Variants in VPS37B observed in about 807,000 individuals in gnomAD.
The protein encoded by VPS37B is vacuolar protein sorting-associated protein 37B.
VPS37B carries 11 observed loss-of-function variants against 21.2 expected under a neutral mutation model. The ratio of observed to expected loss-of-function variants is 0.52; its 90% CI spans 0.33 to 0.86. The LOEUF is 0.86. Ranked by LOEUF, VPS37B falls within the 40% of genes least tolerant of loss-of-function variation. The probability of loss-of-function intolerance (pLI) is 0.03; values close to 1 mark genes in which losing one functional copy is unlikely to be tolerated. For synonymous variants in VPS37B, 175 were observed against 159.6 expected, an observed-to-expected ratio of 1.10 and a Z score of -0.73; for missense variants, 389 against 374.8, an observed-to-expected ratio of 1.04 and a Z score of -0.31.
At chr12:122,891,599 C>T (rs770381601) in intron 1 of VPS37B, among the ~76,000 whole-genome samples, 36 of 152,164 alleles carry the variant, frequency 2.4e-4, no homozygotes, top group Non-Finnish European at 4.6e-4. Context: ...AAAGTTGAAG[C>T]CTTTACACGT....
At chr12:122,876,782 G>T (rs574543665) in intron 1 of VPS37B, 1 of 152,210 alleles carries the variant, frequency 6.6e-6, no homozygotes, top group East Asian at 1.9e-4. Flanking sequence ...TTTGGGTTGG[G>T]GGAGTGTGGT....
At chr12:122,870,272 C>T (rs568835565) in intron 2 of VPS37B, 2 of 152,314 alleles carry the variant, frequency 1.3e-5, no homozygotes, top group South Asian at 2.1e-4. Flanking sequence ...GAGGTACCCA[C>T]GTTTCTGCAA....
Position 122,868,955 on chromosome 12 carries a change from C to T in VPS37B, c.284-393G>A, listed in dbSNP as rs1212799566. 7.2e-5 allele frequency among the ~76,000 whole-genome samples: 11 copies of T among 152,314 alleles called. No individual in the cohort carries two copies. Among genetic ancestry groups the T allele is most frequent in the African/African-American group, 1.9e-4 (8 of 41,566 alleles). On this transcript the variant is annotated intron_variant, in intron 2 of 3. Coordinates refer to ENST00000267202, the MANE Select transcript of VPS37B (RefSeq NM_024667.3). The surrounding 1 kb of genome is among the most constrained non-coding windows in gnomAD (Gnocchi z 5.5). ...AGAACCTTTCCACCGGGCGCCCTCA[C>T]GCCCACTGCACCCGCCAGATAACCC...
At position 122,867,314 on chromosome 12, in the gene VPS37B, G is replaced by C. The variant is rs139843258; in HGVS notation, c.660C>G (p.Ala220=). The change falls in exon 4 of 4, where the codon GCC becomes GCG. Residue 220 remains alanine (A), a synonymous_variant. Transcript: ENST00000267202. This position sits in a 1 kb window ranked among gnomAD's most constrained non-coding sequence, Gnocchi z 5.5. Reference sequence around the variant, plus strand: ...AACTCATGGCCGCAGTAAACGGGGTGGCTAAGCGTCCCGCAGGCACCGGGG... The same window carrying C: ...AACTCATGGCCGCAGTAAACGGGGTCGCTAAGCGTCCCGCAGGCACCGGGG... The part of the protein sequence containing the change: ...PPPPVPAGRL[A]TPFTAAMSSG... 911 of 1,584,034 alleles carry C rather than the reference G, an allele frequency of 5.8e-4. 5 individuals are homozygous for C. In the African/African-American group the frequency reaches 0.011, roughly 20 times the overall value.
chr12:122,867,470 T>A lies in VPS37B; in HGVS notation c.504A>T (p.Arg168Ser), dbSNP rs144828137. The change falls in exon 4 of 4, where the codon AGA (arginine) becomes AGT (serine). Residue 168 changes from arginine (R) to serine (S), a missense_variant. Arg to Ser is a moderately radical substitution (Grantham distance 110). Transcript: ENST00000267202. The surrounding 1 kb of genome is among the most constrained non-coding windows in gnomAD (Gnocchi z 5.5). Reference protein sequence around the residue: ...KLQEMVLKGQRLPQALAPLPP... With the variant: ...KLQEMVLKGQSLPQALAPLPP... ...GCAGCGGGGCCAGGGCCTGTGGGAG[T>A]CTCTGCCCCTTTAGGACCATCTCCT... 1.2e-6 allele frequency: 2 copies of A among 1,613,450 alleles called. No individual in the cohort carries two copies. The highest frequency in any genetic ancestry group is 2.7e-5 in the African/African-American group (2 of 74,766).
At position 122,867,272 on chromosome 12, in the gene VPS37B, C is replaced by T. The variant is rs568670236; in HGVS notation, c.702G>A (p.Pro234=). 1.0e-5 allele frequency: 16 copies of T among 1,557,900 alleles called. No homozygotes were observed. Among genetic ancestry groups the T allele is most frequent in the Non-Finnish European group, 1.3e-5 (15 of 1,156,424 alleles). Residue 234 remains proline (P), a synonymous_variant, in exon 4 of 4, where the codon CCG becomes CCA. Transcript: ENST00000267202. This position sits in a 1 kb window ranked among gnomAD's most constrained non-coding sequence, Gnocchi z 5.5. ...GGGGCGGGCACTGTAATCCTGGGTA[C>T]GGCACGGCCTGTCCCGAACTCATGG... The part of the protein sequence containing the change: ...TAAMSSGQAV[P]YPGLQCPPLP...
chr12:122,892,487 ACTTC>A (rs2034428533), intron 1 of VPS37B, among the ~76,000 whole-genome samples: 1 of 149,818 alleles, frequency 6.7e-6, no homozygotes, highest in Non-Finnish European at 1.5e-5. Flanking sequence ...AATTTAAAAC[ACTTC>A]CTTCTGCCAA....
At chr12:122,891,865 A>T (rs1022328347) in intron 1 of VPS37B, among the ~76,000 whole-genome samples, 1 of 152,250 alleles carries the variant, frequency 6.6e-6, no homozygotes, top group Non-Finnish European at 1.5e-5. Context: ...TACTTTCCAC[A>T]AAACAACCTG....
chr12:122,876,496 G>C (rs1228420290), intron 1 of VPS37B: 1 of 152,106 alleles, frequency 6.6e-6, no homozygotes, highest in Non-Finnish European at 1.5e-5. Flanking sequence ...GATCACTTGA[G>C]GTCAGGAGTT....
At position 122,865,590 on chromosome 12, in the gene VPS37B, C is replaced by A. The variant is rs2033881750; in HGVS notation, c.*1526G>T. On this transcript the variant is annotated 3_prime_UTR_variant, in exon 4 of 4. Coordinates refer to ENST00000267202, the MANE Select transcript of VPS37B (RefSeq NM_024667.3). Reference sequence around the variant, plus strand: ...CCTGACTGGCATGGCAGTGAATCGTCCTGTACAGCTTCATTTCCTTTAAGA... The same window carrying A: ...CCTGACTGGCATGGCAGTGAATCGTACTGTACAGCTTCATTTCCTTTAAGA... 1 of 116,810 alleles carries A rather than the reference C, an allele frequency of 8.6e-6. No homozygotes were observed. The highest frequency in any genetic ancestry group is 2.9e-5 in the African/African-American group (1 of 34,498). 7.2% of individuals were successfully genotyped at this position (116,810 alleles called of 1,614,324 possible). A position where few individuals can be genotyped will look rare whatever the true frequency, so the allele number is the denominator to read the frequency against.
intron 1 of VPS37B, among the ~76,000 whole-genome samples, chr12:122,893,213 GTGAT>G (rs1397371721): frequency 6.6e-6 from 1 of 152,192 alleles, no homozygotes; most frequent in Non-Finnish European, 1.5e-5. Context: ...ATTAATATAA[GTGAT>G]TAATTATTGC....
intron 1 of VPS37B, chr12:122,871,786 C>T (rs1210487832): frequency 5.2e-6 from 5 of 963,448 alleles, no homozygotes; most frequent in Middle Eastern, 5.3e-4. Flanking sequence ...TAGGGGAGAA[C>T]GACAGGAGTA....
At chr12:122,872,535 G>A in intron 1 of VPS37B, 1 of 985,394 alleles carries the variant, frequency 1.0e-6, no homozygotes, top group Non-Finnish European at 1.2e-6. Flanking sequence ...TCTTGGGACT[G>A]GAAAGACGCA....
chr12:122,885,840 C>T (rs976808004), intron 1 of VPS37B: 5 of 150,410 alleles, frequency 3.3e-5, no homozygotes, highest in Non-Finnish European at 5.9e-5. Flanking sequence ...CCCGCTACCA[C>T]GCCCGGCTAA....
intron 1 of VPS37B, chr12:122,882,953 G>A (rs184059836): frequency 9.2e-5 from 14 of 152,306 alleles, no homozygotes; most frequent in African/African-American, 2.4e-4. Flanking sequence ...TAACAGTTGC[G>A]GAGTTGGACT....
intron 1 of VPS37B, among the ~76,000 whole-genome samples, chr12:122,892,842 C>T (rs1475224356): frequency 6.6e-6 from 1 of 152,204 alleles, no homozygotes; most frequent in Non-Finnish European, 1.5e-5. Context: ...AGGCAGATCA[C>T]CTGAGGTTAG....
At chr12:122,888,729 C>T (rs971313941) in intron 1 of VPS37B, 4 of 367,468 alleles carry the variant, frequency 1.1e-5, no homozygotes, top group African/African-American at 8.3e-5. Context: ...TCTCGTTTCT[C>T]CCCTCCCTTC....
chr12:122,867,331 G>C lies in VPS37B; in HGVS notation c.643C>G (p.Pro215Ala), dbSNP rs2135692866. The part of the protein sequence containing the change: ...RRIPPPPPPV[P>A]AGRLATPFTA... ...AACGGGGTGGCTAAGCGTCCCGCAG[G>C]CACCGGGGGTGGTGGGGGGGGGATG... The change falls in exon 4 of 4, where the codon CCT becomes GCT. Residue 215 changes from proline to alanine, a missense_variant. Pro to Ala is a conservative substitution (Grantham distance 27). Coordinates refer to ENST00000267202, the MANE Select transcript of VPS37B (RefSeq NM_024667.3). The surrounding 1 kb of genome is among the most constrained non-coding windows in gnomAD (Gnocchi z 5.5). 3 of 597,446 alleles carry C rather than the reference G, an allele frequency of 5.0e-6. No homozygotes were observed. The highest frequency in any genetic ancestry group is 8.2e-4 in the Middle Eastern group (2 of 2,426). The allele number at this position is 597,446 out of a possible 1,614,324, so 37.0% of individuals were successfully genotyped here.
intron 1 of VPS37B, chr12:122,888,863 AG>A: frequency 3.4e-6 from 1 of 297,650 alleles, no homozygotes; most frequent in Non-Finnish European, 6.7e-6. Context: ...CTCCAAGCAG[AG>A]CATTCACCCT....
Sources: gnomAD v4.1 joint callset for allele counts (sites outside exome capture counted in the v4.1 genomes callset) on GRCh38, gnomAD v4.1.1 for gene constraint, Gnocchi (gnomAD v3.1) non-coding constraint, MANE v1.5 for transcripts, NCBI Gene and HGNC (gene_info 2026-07-23, HGNC 2026-07-21) for gene names.